EPS15L1: variants seen among roughly 807,000 people sequenced by gnomAD.
The protein encoded by EPS15L1 is epidermal growth factor receptor pathway substrate 15 like 1, also known as epidermal growth factor receptor substrate 15-like 1.
Under a neutral mutation model 117.1 loss-of-function variants are expected in EPS15L1, and 43 were observed. The observed-to-expected ratio is 0.37, with a 90% CI of 0.29 to 0.47. The LOEUF (loss-of-function observed/expected upper bound fraction) is 0.47, where lower values mean the gene tolerates loss of function less well. EPS15L1 is among the 20% of genes least tolerant of loss of function. The probability of loss-of-function intolerance (pLI) is 0.99; values close to 1 mark genes in which losing one functional copy is unlikely to be tolerated. For missense variants in EPS15L1, 981 were observed against 1,164.0 expected (o/e 0.84, Z 2.29); for synonymous variants, 459 against 470.5 (o/e 0.98, Z 0.32).
intron 12 of EPS15L1, among the ~76,000 whole-genome samples, chr19:16,417,106 C>T (rs142398856): frequency 8.8e-4 from 134 of 152,340 alleles, no homozygotes; most frequent in African/African-American, 2.7e-3. Context: ...TACTGAGCTG[C>T]GACCTGCCTG....
Position 16,361,811 on chromosome 19 carries a change from C to T in EPS15L1, c.2554G>A (p.Ala852Thr). ...AAGTCTGCAAAGCCCGAGGCAGAGG[C>T]CTTAGAAGGTTTAGCTGCAGAGGAG... The part of the protein sequence containing the change: ...VPSSAAKPSK[A>T]SASGFADFTS... Residue 852 changes from alanine (A) to threonine (T), a missense_variant, in exon 23 of 24, where the codon GCC becomes ACC. Transcript: ENST00000455140. 1 of 1,613,852 alleles carries T rather than the reference C, an allele frequency of 6.2e-7. No homozygotes were observed. The highest frequency in any genetic ancestry group is 2.2e-5 in the East Asian group (1 of 44,886).
chr19:16,391,133 G>A (rs2092470071), intron 19 of EPS15L1, among the ~76,000 whole-genome samples: 1 of 152,048 alleles, frequency 6.6e-6, no homozygotes, highest in Admixed American at 6.6e-5. Context: ...AGAAAATGAA[G>A]TCTAAAATTA....
At chr19:16,422,028 C>T (rs780552603) in intron 9 of EPS15L1, among the ~76,000 whole-genome samples, 1 of 152,162 alleles carries the variant, frequency 6.6e-6, no homozygotes, top group Non-Finnish European at 1.5e-5. Context: ...ACGTCACTGA[C>T]AGGTAACAAA....
At position 16,436,956 on chromosome 19, in the gene EPS15L1, T is replaced by C; in HGVS notation, c.353A>G (p.Glu118Gly). Residue 118 changes from glutamate (E) to glycine (G), a missense_variant, in exon 6 of 24, where the codon GAG becomes GGG. Glu to Gly is a moderately conservative substitution (Grantham distance 98). Transcript: ENST00000455140. Reference sequence around the variant, plus strand: ...ACTTACCCTCACAGCCCAGTGGGCCTCTGCAGAGGGCGGTGTGACCATCAG... The same window carrying C: ...ACTTACCCTCACAGCCCAGTGGGCCCCTGCAGAGGGCGGTGTGACCATCAG... ...SPLMVTPPSA[E>G]AHWAVRVEEK... 6.8e-6 allele frequency: 11 copies of C among 1,614,052 alleles called. No individual in the cohort carries two copies. The highest frequency in any genetic ancestry group is 9.3e-6 in the Non-Finnish European group (11 of 1,179,918).
At chr19:16,463,494 A>C (rs760861917) in intron 1 of EPS15L1, among the ~76,000 whole-genome samples, 1 of 151,766 alleles carries the variant, frequency 6.6e-6, no homozygotes, top group Non-Finnish European at 1.5e-5. Context: ...AGCTCCAAGC[A>C]CTCCCTGTGT....
chr19:16,385,452 A>G (rs2092410586), intron 20 of EPS15L1, among the ~76,000 whole-genome samples: 1 of 152,208 alleles, frequency 6.6e-6, no homozygotes, highest in Non-Finnish European at 1.5e-5. Flanking sequence ...CACGGTCATC[A>G]GAAGAGTGAC....
At chr19:16,355,938 T>C in intron 23 of EPS15L1, 87 bp from the exon 24 acceptor site, 1 of 1,459,448 alleles carries the variant, frequency 6.9e-7, no homozygotes, top group Non-Finnish European at 9.2e-7. Context: ...GTGGGAGGGG[T>C]CAGGGTCCTG....
At chr19:16,400,882 T>C in intron 16 of EPS15L1, 4 of 985,344 alleles carry the variant, frequency 4.1e-6, no homozygotes, top group Non-Finnish European at 4.8e-6. Flanking sequence ...AACCGGTTTC[T>C]AAAAACCTGC....
chr19:16,385,295 C>T (rs1471038393), intron 20 of EPS15L1, 84 bp from the exon 21 acceptor site: 19 of 1,152,276 alleles, frequency 1.6e-5, no homozygotes, highest in Middle Eastern at 1.9e-4. Context: ...CTAGATGGCC[C>T]CTGAACCAGG....
At chr19:16,362,141 C>T (rs2144632361) in intron 22 of EPS15L1, among the ~76,000 whole-genome samples, 157 bp from the exon 23 acceptor site, 1 of 152,258 alleles carries the variant, frequency 6.6e-6, no homozygotes, top group South Asian at 2.1e-4. Context: ...TGGGGAATCC[C>T]AGTTTTAATC....
intron 22 of EPS15L1, among the ~76,000 whole-genome samples, chr19:16,369,676 A>AGT (rs10543332): frequency 0.089 from 13,009 of 146,012 alleles, 730 homozygotes; most frequent in Middle Eastern, 0.13. Context: ...AAGAAAAAAA[A>AGT]GTGTGTGTGT....
intron 1 of EPS15L1, among the ~76,000 whole-genome samples, chr19:16,464,877 G>A (rs12611408): frequency 0.38 from 57,503 of 151,476 alleles, 11,664 homozygotes; most frequent in Non-Finnish European, 0.46. Flanking sequence ...AGGTCAGATC[G>A]AGACCATCCT....
intron 1 of EPS15L1, among the ~76,000 whole-genome samples, chr19:16,462,658 A>T (rs1185504887): frequency 6.6e-6 from 1 of 151,822 alleles, no homozygotes; most frequent in Non-Finnish European, 1.5e-5. Context: ...ACAAAGCGGG[A>T]CTCCACCTCA....
At chr19:16,399,681 GTTT>G (rs5827337) in intron 16 of EPS15L1, among the ~76,000 whole-genome samples, 1 of 139,494 alleles carries the variant, frequency 7.2e-6, no homozygotes, top group African/African-American at 2.6e-5. Context: ...GCTTTTTGGG[GTTT>G]TTTTTTTTTT....
chr19:16,380,010 A>G (rs2092343296), intron 21 of EPS15L1, among the ~76,000 whole-genome samples: 1 of 152,072 alleles, frequency 6.6e-6, no homozygotes, highest in Admixed American at 6.5e-5. Flanking sequence ...CAGCTGTCTA[A>G]AGCTCCAGCA....
chr19:16,471,623 TC>T lies in EPS15L1; in HGVS notation c.33+289del, dbSNP rs1431780361. On this transcript the variant is annotated intron_variant, in intron 1 of 23. Coordinates refer to ENST00000455140, the MANE Select transcript of EPS15L1 (RefSeq NM_001258374.3). This position sits in a 1 kb window ranked among gnomAD's most constrained non-coding sequence, Gnocchi z 4.8. ...GGATGCAGCCCAGCGCCTCCGCGGG[TC>T]CCCGGCCTGGGAGCTTCAGCGGCGG... 6.6e-6 allele frequency among the ~76,000 whole-genome samples: 1 copy of T among 151,986 alleles called. No homozygotes were observed. Among genetic ancestry groups the T allele is most frequent in the African/African-American group, 2.4e-5 (1 of 41,384 alleles).
chr19:16,394,631 A>C (rs1330076084), intron 17 of EPS15L1, among the ~76,000 whole-genome samples: 2 of 152,224 alleles, frequency 1.3e-5, no homozygotes, highest in African/African-American at 4.8e-5. Flanking sequence ...TTCTTGACTC[A>C]GGTGTGGCTC....
At chr19:16,401,795 C>T (rs2092603942) in intron 16 of EPS15L1, 1 of 985,790 alleles carries the variant, frequency 1.0e-6, no homozygotes, top group Non-Finnish European at 1.2e-6. Context: ...ACCAAAATTT[C>T]AGGAGAGGCC....
intron 19 of EPS15L1, 67 bp downstream of exon 19, chr19:16,392,237 G>A: frequency 1.9e-6 from 3 of 1,586,292 alleles, no homozygotes; most frequent in Middle Eastern, 1.8e-4. Flanking sequence ...GGGGCCTTCG[G>A]GAAGCGCCAC....
Sources: allele counts gnomAD v4.1 joint callset (sites outside exome capture counted in the v4.1 genomes callset), GRCh38; gene constraint gnomAD v4.1.1; non-coding constraint Gnocchi (gnomAD v3.1); transcripts MANE v1.5; gene names NCBI Gene and HGNC (gene_info 2026-07-23, HGNC 2026-07-21).